The following RAB13 variants were observed in gnomAD, a reference collection of about 807,000 sequenced individuals.
RAB13 encodes RAB13, member RAS oncogene family, also known as ras-related protein Rab-13.
Under a neutral mutation model 29.3 loss-of-function variants are expected in RAB13, and 15 were observed. That is an observed-to-expected ratio of 0.51 (90% CI 0.34 to 0.79). RAB13 has a LOEUF of 0.79. Among genes scored for constraint, RAB13 ranks in the 30% least tolerant of loss-of-function variants. The pLI is 0.01. For synonymous variants in RAB13, 82 were observed against 93.8 expected, an observed-to-expected ratio of 0.87 and a Z score of 0.73; for missense variants, 186 against 255.5, an observed-to-expected ratio of 0.73 and a Z score of 1.85.
Position 153,983,039 on chromosome 1 carries a change from C to G in RAB13, c.324+180G>C, listed in dbSNP as rs572015035. Reference sequence around the variant, plus strand: ...ACTTGGGAGGCTGAGGCAGGAAAATCGTTTGAACCTGGGAGGCAGAGGTTG... The same window carrying G: ...ACTTGGGAGGCTGAGGCAGGAAAATGGTTTGAACCTGGGAGGCAGAGGTTG... On this transcript the variant is annotated intron_variant, in intron 4 of 7. Coordinates refer to ENST00000368575, the MANE Select transcript of RAB13 (RefSeq NM_002870.5). 128 of 735,478 alleles carry G rather than the reference C, an allele frequency of 1.7e-4. 1 individual carries two copies. Among genetic ancestry groups the G allele is most frequent in the South Asian group, 1.5e-3 (89 of 59,890 alleles). The allele number at this position is 735,478 out of a possible 1,614,324, so 45.6% of individuals were successfully genotyped here. A position where few individuals can be genotyped will look rare whatever the true frequency, so the allele number is the denominator to read the frequency against.
chr1:153,986,718 A>G (rs964099924), upstream of RAB13, among the ~76,000 whole-genome samples: 3 of 150,560 alleles, frequency 2.0e-5, no homozygotes, highest in Non-Finnish European at 1.5e-5. Context: ...AAAAAAAAAA[A>G]TGGGGCTGAG....
At chr1:153,986,797 A>G (rs1335615234), upstream of RAB13, among the ~76,000 whole-genome samples, 1 of 152,138 alleles carries the variant, frequency 6.6e-6, no homozygotes, top group Admixed American at 6.5e-5. Context: ...AGTAAAAGGC[A>G]GTCCTAGAAT....
At position 153,982,623 on chromosome 1, in the gene RAB13, A is replaced by G. The variant is rs1571127304; in HGVS notation, c.415-23T>C. 6 of 1,612,610 alleles carry G rather than the reference A, an allele frequency of 3.7e-6. No individual in the cohort carries two copies. In the East Asian group the frequency reaches 1.1e-4, roughly 30 times the overall value. ...CAACTATAAGGGGTGAAGTGGGAAG[A>G]GAATTGAATTAAGGACAGCAGCCAA... On this transcript the variant is annotated intron_variant, in intron 5 of 7. Coordinates refer to ENST00000368575, the MANE Select transcript of RAB13 (RefSeq NM_002870.5).
In RAB13 at chr1:153,981,916, C is replaced by T. The variant is rs140063758; in HGVS notation, c.*183G>A. ...CTTCCTCAATTCATTCCTCTCCCTTCTCCCTTCCTCTCTCTTCCTTTTTTT... is the reference window on the plus strand; with the variant it reads ...CTTCCTCAATTCATTCCTCTCCCTTTTCCCTTCCTCTCTCTTCCTTTTTTT... On this transcript the variant is annotated 3_prime_UTR_variant, in exon 8 of 8. Coordinates refer to ENST00000368575, the MANE Select transcript of RAB13 (RefSeq NM_002870.5). The T allele has an allele frequency of 1.9e-3, 1,161 of 621,892 alleles. 3 individuals carry two copies. The highest frequency in any genetic ancestry group is 2.7e-3 in the Non-Finnish European group (921 of 346,136). The allele number at this position is 621,892 out of a possible 1,614,324, so 38.5% of individuals were successfully genotyped here. A position where few individuals can be genotyped will look rare whatever the true frequency, so the allele number is the denominator to read the frequency against.
chr1:153,988,912 T>G (rs139919947), upstream of RAB13, among the ~76,000 whole-genome samples: 250 of 144,506 alleles, frequency 1.7e-3, 6 homozygotes, highest in African/African-American at 6.1e-3. Context: ...GCGCCCAACC[T>G]TTGTTTTTAC....
chr1:153,988,343 G>C (rs1649248371), upstream of RAB13, among the ~76,000 whole-genome samples: 1 of 144,470 alleles, frequency 6.9e-6, no homozygotes, highest in Non-Finnish European at 1.5e-5. Context: ...ACCTAGGCTG[G>C]GGTGCAGTGG....
upstream of RAB13, among the ~76,000 whole-genome samples, chr1:153,987,906 C>A (rs1026032655): frequency 6.6e-6 from 1 of 151,702 alleles, no homozygotes; most frequent in Non-Finnish European, 1.5e-5. Context: ...TAGTGAGCCA[C>A]GATTATGATG....
At chr1:153,985,380 T>C (rs182076776) in intron 1 of RAB13, 41 of 983,170 alleles carry the variant, frequency 4.2e-5, no homozygotes, top group East Asian at 1.1e-4. Context: ...CCAGAGGAGA[T>C]GAAGAAAGAA....
upstream of RAB13, chr1:153,986,433 C>A: frequency 1.8e-6 from 1 of 555,704 alleles, no homozygotes; most frequent in Non-Finnish European, 3.2e-6. Flanking sequence ...TTTGAGCAGG[C>A]CAAGGCTGCC....
upstream of RAB13, among the ~76,000 whole-genome samples, chr1:153,989,022 C>T (rs1185867038): frequency 6.7e-6 from 1 of 148,438 alleles, no homozygotes; most frequent in African/African-American, 2.4e-5. Flanking sequence ...TGGGTTCAAG[C>T]GATTCTCCAG....
At chr1:153,982,204 G>T in intron 7 of RAB13, 28 bp from the exon 8 acceptor site, 3 of 1,593,648 alleles carry the variant, frequency 1.9e-6, no homozygotes, top group Non-Finnish European at 2.6e-6. Flanking sequence ...CAGGTGTCAT[G>T]GTGTGAATGG....
At chr1:153,988,255 G>A (rs1447432409), upstream of RAB13, among the ~76,000 whole-genome samples, 3 of 149,362 alleles carry the variant, frequency 2.0e-5, no homozygotes, top group Non-Finnish European at 4.4e-5. Flanking sequence ...GCCTCCCAAA[G>A]TGCTGGGATT....
intron 1 of RAB13, chr1:153,985,308 G>A (rs1649126764): frequency 2.0e-6 from 2 of 984,538 alleles, no homozygotes; most frequent in Admixed American, 6.2e-5. Flanking sequence ...GGAAAGAGGG[G>A]CATTTTTCCT....
Position 153,982,076 on chromosome 1 carries a change from G to T in RAB13, c.*23C>A. The T allele has an allele frequency of 1.4e-5, 22 of 1,605,350 alleles. No individual in the cohort carries two copies. Among genetic ancestry groups the T allele is most frequent in the Non-Finnish European group, 1.7e-5 (20 of 1,172,862 alleles). ...TGTCTCCCTCAGGTTCAGCTTCCGG[G>T]GTGGGGAGGCAAGAAAGGGTCCTCA... On this transcript the variant is annotated 3_prime_UTR_variant, in exon 8 of 8. Coordinates refer to ENST00000368575, the MANE Select transcript of RAB13 (RefSeq NM_002870.5).
At chr1:153,982,989 G>A (rs1055619825) in intron 4 of RAB13, 181 bp from the exon 5 acceptor site, 1 of 721,624 alleles carries the variant, frequency 1.4e-6, no homozygotes, top group African/African-American at 1.8e-5. Context: ...GCCGAGCATG[G>A]TGGTGCATGC....
At chr1:153,990,610 A>G (rs1424420862), upstream of RAB13, 1 of 671,866 alleles carries the variant, frequency 1.5e-6, no homozygotes, top group East Asian at 2.7e-5. Context: ...TATGTGTCAC[A>G]ACTAACAGTT....
rs1197054380 is a variant in RAB13 at position 153,983,506 on chromosome 1, A to G, written c.246+15T>C. 1.9e-6 allele frequency: 3 copies of G among 1,593,184 alleles called. No homozygotes were observed. Among genetic ancestry groups the G allele is most frequent in the Non-Finnish European group, 2.6e-6 (3 of 1,161,206 alleles). ...GCCTCATCCTTCATCCTTTGTTCAG[A>G]CCCACACTTCATACCATGGCTCCAC... On this transcript the variant is annotated intron_variant, in intron 3 of 7. Coordinates refer to ENST00000368575, the MANE Select transcript of RAB13 (RefSeq NM_002870.5).
upstream of RAB13, chr1:153,990,672 A>G: frequency 7.4e-7 from 1 of 1,344,452 alleles, no homozygotes; most frequent in Non-Finnish European, 1.1e-6. Context: ...CGGCGGATCA[A>G]AGTAAGACGT....
upstream of RAB13, among the ~76,000 whole-genome samples, chr1:153,988,845 C>G (rs990959397): frequency 6.7e-6 from 1 of 149,568 alleles, no homozygotes; most frequent in Non-Finnish European, 1.5e-5. Flanking sequence ...CTCCCGACCT[C>G]AGGTGATCCA....
Sources: gnomAD v4.1 joint callset for allele counts (sites outside exome capture counted in the v4.1 genomes callset) on GRCh38, gnomAD v4.1.1 for gene constraint, MANE v1.5 for transcripts, NCBI Gene and HGNC (gene_info 2026-07-23, HGNC 2026-07-21) for gene names.